MLXIP: variants seen among roughly 807,000 people sequenced by gnomAD.
MLXIP encodes MLX-interacting protein.
MLXIP carries 30 observed loss-of-function variants against 87.2 expected under a neutral mutation model. That is an observed-to-expected ratio of 0.34 (90% CI 0.26 to 0.47). The LOEUF is 0.47. Among genes scored for constraint, MLXIP ranks in the 20% least tolerant of loss-of-function variants. The pLI, the probability that MLXIP is intolerant of heterozygous loss-of-function variation, is 1.00. For missense variants in MLXIP, 1,002 were observed against 1,240.1 expected, an observed-to-expected ratio of 0.81 and a Z score of 2.88; for synonymous variants, 530 against 514.0, an observed-to-expected ratio of 1.03 and a Z score of -0.42.
At chr12:122,093,527 T>C (rs1952283576) in intron 1 of MLXIP, among the ~76,000 whole-genome samples, 1 of 130,954 alleles carries the variant, frequency 7.6e-6, no homozygotes, top group Admixed American at 7.9e-5. Flanking sequence ...GTGGAGGGTG[T>C]GTGTGTTGGT....
At chr12:122,090,643 A>G (rs944684214) in intron 1 of MLXIP, among the ~76,000 whole-genome samples, 10 of 152,216 alleles carry the variant, frequency 6.6e-5, no homozygotes, top group African/African-American at 2.2e-4. Context: ...TGTATGTTTG[A>G]TAATTTTCTT....
At chr12:122,089,966 G>A (rs1952221405) in intron 1 of MLXIP, among the ~76,000 whole-genome samples, 2 of 152,160 alleles carry the variant, frequency 1.3e-5, no homozygotes, top group South Asian at 4.1e-4. Flanking sequence ...ACAGTGGTGC[G>A]ACTGGTTAGC....
rs372228534 is a variant in MLXIP at position 122,133,965 on chromosome 12, G to A, written c.1710G>A (p.Leu570=). The A allele has an allele frequency of 6.2e-7, 1 of 1,603,388 alleles. No homozygotes were observed. The highest frequency in any genetic ancestry group is 1.3e-5 in the African/African-American group (1 of 74,748). ...AACCAGAGCCCGTGTCCTTGGTGTT[G>A]AAGAATGCCCGTATCGCCCCAGGTG... ...APKPEPVSLV[L]KNARIAPAAF... The change falls in exon 9 of 17, where the codon TTG becomes TTA. Residue 570 remains leucine, a synonymous_variant. Transcript: ENST00000319080. The surrounding 1 kb of genome is among the most constrained non-coding windows in gnomAD (Gnocchi z 4.9).
At chr12:122,086,156 G>C (rs1237131758) in intron 1 of MLXIP, among the ~76,000 whole-genome samples, 3 of 152,192 alleles carry the variant, frequency 2.0e-5, no homozygotes, top group Non-Finnish European at 4.4e-5. Context: ...CTCCCCCAGA[G>C]CTTCTGGGAA....
rs372365211 is a variant in MLXIP at position 122,127,905 on chromosome 12, T to C, written c.543T>C (p.Pro181=). Residue 181 remains proline (P), a synonymous_variant, in exon 3 of 17, where the codon CCT becomes CCC. Transcript: ENST00000319080. ...YMQYLEKRKN[P]VCHFVTPLDG... is the part of the protein sequence containing the mutation. ...CAGATCTGGAGAAGCGCAAGAATCC[T>C]GTGTGCCACTTTGTGACACCCCTGG... 1.5e-3 allele frequency: 2,442 copies of C among 1,613,818 alleles called. 2 individuals are homozygous for C. Among genetic ancestry groups the C allele is most frequent in the Non-Finnish European group, 2.0e-3 (2,352 of 1,179,752 alleles).
chr12:122,125,776 G>A (rs1952872307), intron 1 of MLXIP, among the ~76,000 whole-genome samples: 1 of 152,252 alleles, frequency 6.6e-6, no homozygotes, highest in Non-Finnish European at 1.5e-5. Context: ...AGGATGCACT[G>A]TGACATTTTT....
intron 1 of MLXIP, among the ~76,000 whole-genome samples, chr12:122,106,746 C>A (rs555816327): frequency 6.6e-6 from 1 of 151,722 alleles, no homozygotes; most frequent in Non-Finnish European, 1.5e-5. Flanking sequence ...GGACTACAGG[C>A]CTGCACCTCC....
chr12:122,094,308 GTGTGTGGTGTGTTGGTGTGTGTGT>G, intron 1 of MLXIP, among the ~76,000 whole-genome samples: 1 of 138,090 alleles, frequency 7.2e-6, no homozygotes, highest in Non-Finnish European at 1.6e-5. Flanking sequence ...GGTGTGTGTG[GTGTGTGGTGTGTTGGTGTGTGTGT>G]GGTGTGTATG....
At chr12:122,085,054 C>T (rs1019023622) in intron 1 of MLXIP, among the ~76,000 whole-genome samples, 9 of 152,084 alleles carry the variant, frequency 5.9e-5, no homozygotes, top group Non-Finnish European at 1.5e-5. Flanking sequence ...CCACAAAAGC[C>T]CGGCTTCTGT....
Position 122,116,053 on chromosome 12 carries a change from A to AACACACACACACACACAC in MLXIP, c.414-11185_414-11168dup, listed in dbSNP as rs138548664. On this transcript the variant is annotated intron_variant, in intron 1 of 16. Transcript: ENST00000319080. ...GTGACAGAGCGAGACTCCATCTGAA[A>AACACACACACACACACAC]ACACACACACACACACACACACACA... is the stretch of plus-strand genomic sequence containing the variant. Among the ~76,000 whole-genome samples the AACACACACACACACACAC allele has an allele frequency of 4.7e-3, 696 of 147,310 alleles. 8 individuals are homozygous for AACACACACACACACACAC. The highest frequency in any genetic ancestry group is 0.017 in the African/African-American group (668 of 39,430).
chr12:122,137,409 G>GCCT lies in MLXIP; in HGVS notation c.2033-56_2033-54dup. ...CATAACCCTGCAGAGACCCCAGGCTGCCTCCTGGTGGCGTTGAGGGGCCAG... is the reference window on the plus strand; with the variant it reads ...CATAACCCTGCAGAGACCCCAGGCTGCCTCCTCCTGGTGGCGTTGAGGGGCCAG... On this transcript the variant is annotated intron_variant, in intron 11 of 16. Coordinates refer to ENST00000319080, the MANE Select transcript of MLXIP (RefSeq NM_014938.6). This position sits in a 1 kb window ranked among gnomAD's most constrained non-coding sequence, Gnocchi z 4.1. The GCCT allele has an allele frequency of 6.4e-7, 1 of 1,570,684 alleles. No homozygotes were observed. Among genetic ancestry groups the GCCT allele is most frequent in the Non-Finnish European group, 8.6e-7 (1 of 1,159,046 alleles).
chr12:122,100,456 A>T (rs537551591), intron 1 of MLXIP, among the ~76,000 whole-genome samples: 1 of 152,350 alleles, frequency 6.6e-6, no homozygotes, highest in African/African-American at 2.4e-5. Flanking sequence ...TCTCAAATGC[A>T]TACTCATTTT....
rs1953285130 is a variant in MLXIP at position 122,145,491 on chromosome 12, G to T, written c.*3679G>T. Reference sequence around the variant, plus strand: ...GCACCTCTGTCTGTTGCTGACGTTGGGGGGCTTACACACCCACCTCATCTC... The same window carrying T: ...GCACCTCTGTCTGTTGCTGACGTTGTGGGGCTTACACACCCACCTCATCTC... On this transcript the variant is annotated 3_prime_UTR_variant, in exon 17 of 17. Transcript: ENST00000319080. 6.6e-6 allele frequency: 1 copy of T among 152,334 alleles called. No homozygotes were observed. The highest frequency in any genetic ancestry group is 6.5e-5 in the Admixed American group (1 of 15,284). 9.4% of individuals were successfully genotyped at this position (152,334 alleles called of 1,614,324 possible). A position where few individuals can be genotyped will look rare whatever the true frequency, so the allele number is the denominator to read the frequency against.
intron 1 of MLXIP, among the ~76,000 whole-genome samples, chr12:122,108,194 C>G (rs888640369): frequency 3.3e-5 from 5 of 151,864 alleles, no homozygotes; most frequent in Non-Finnish European, 5.9e-5. Flanking sequence ...ACGGTGAAAC[C>G]TCGTCTGTAC....
chr12:122,139,015 A>G lies in MLXIP; in HGVS notation c.2508+77A>G, dbSNP rs1417756188. 1.9e-6 allele frequency: 3 copies of G among 1,577,230 alleles called. No individual in the cohort carries two copies. In the East Asian group the frequency reaches 6.8e-5, roughly 36 times the overall value. On this transcript the variant is annotated intron_variant, in intron 15 of 16. Transcript: ENST00000319080. The stretch of plus-strand genomic sequence containing the variant: ...AGCCACAGACCGTGGCACTGTAGTT[A>G]CTTTAGAAAGACTCTTTAAATGCCT...
intron 1 of MLXIP, among the ~76,000 whole-genome samples, chr12:122,110,358 G>A (rs1000227950): frequency 1.3e-5 from 2 of 151,898 alleles, no homozygotes; most frequent in African/African-American, 4.8e-5. Context: ...CGCGGTCTTG[G>A]GTCACTGCAA....
chr12:122,103,152 C>T (rs542927329), intron 1 of MLXIP, among the ~76,000 whole-genome samples: 8 of 152,074 alleles, frequency 5.3e-5, no homozygotes, highest in Non-Finnish European at 8.8e-5. Context: ...TACAGGTGTA[C>T]GCCACCATGC....
chr12:122,100,085 T>C (rs1278826448), intron 1 of MLXIP, among the ~76,000 whole-genome samples: 1 of 152,020 alleles, frequency 6.6e-6, no homozygotes, highest in Non-Finnish European at 1.5e-5. Context: ...AAGATGGAGC[T>C]GCAGTGCAGG....
Position 122,145,581 on chromosome 12 carries a change from G to A in MLXIP, c.*3769G>A, listed in dbSNP as rs1010791730. On this transcript the variant is annotated 3_prime_UTR_variant, in exon 17 of 17. Coordinates refer to ENST00000319080, the MANE Select transcript of MLXIP (RefSeq NM_014938.6). ...CAGGTAAGGGTCTCTCTCATAGAGG[G>A]GAGCTGCAGCTGAGAACTGGCGAGG... 6.6e-6 allele frequency: 1 copy of A among 152,298 alleles called. No individual in the cohort carries two copies. The highest frequency in any genetic ancestry group is 2.4e-5 in the African/African-American group (1 of 41,452). The allele number at this position is 152,298 out of a possible 1,614,324, so 9.4% of individuals were successfully genotyped here.
Sources: gnomAD v4.1 joint callset for allele counts (sites outside exome capture counted in the v4.1 genomes callset) on GRCh38, gnomAD v4.1.1 for gene constraint, Gnocchi (gnomAD v3.1) non-coding constraint, MANE v1.5 for transcripts, NCBI Gene and HGNC (gene_info 2026-07-23, HGNC 2026-07-21) for gene names.